BZW2: variants seen among roughly 807,000 people sequenced by gnomAD.
BZW2 encodes basic leucine zipper and W2 domains 2.
BZW2 carries 23 observed loss-of-function variants against 53.2 expected under a neutral mutation model. The observed-to-expected ratio is 0.43, with a 90% CI of 0.31 to 0.61. The LOEUF (loss-of-function observed/expected upper bound fraction) is 0.61. BZW2 is among the 20% of genes least tolerant of loss of function. The pLI is 0.09. For missense variants in BZW2, 409 were observed against 503.1 expected (o/e 0.81, Z 1.79); for synonymous variants, 227 against 186.4 (o/e 1.22, Z -1.77).
At position 16,697,868 on chromosome 7, in the gene BZW2, T is replaced by C; in HGVS notation, c.970-180T>C. On this transcript the variant is annotated intron_variant, in intron 9 of 11. Coordinates refer to ENST00000258761, the MANE Select transcript of BZW2 (RefSeq NM_014038.3). ...CAGTTCCCTCACAGGTCGACTATACTGCTTTGTTCCTACTGTTCTGTTCCC... is the reference window on the plus strand; with the variant it reads ...CAGTTCCCTCACAGGTCGACTATACCGCTTTGTTCCTACTGTTCTGTTCCC... The C allele has an allele frequency of 6.1e-6, 4 of 653,266 alleles. No homozygotes were observed. The South Asian group carries it at 9.5e-5, about 16-fold the overall frequency. The allele number at this position is 653,266 out of a possible 1,614,324, so 40.5% of individuals were successfully genotyped here.
chr7:16,690,180 C>T (rs1283457369), intron 7 of BZW2, among the ~76,000 whole-genome samples: 1 of 151,198 alleles, frequency 6.6e-6, no homozygotes, highest in Non-Finnish European at 1.5e-5. Flanking sequence ...AGAATTAAGA[C>T]TTTGTTTTAT....
At chr7:16,653,455 C>G (rs762789348) in intron 1 of BZW2, among the ~76,000 whole-genome samples, 6 of 152,182 alleles carry the variant, frequency 3.9e-5, no homozygotes, top group Admixed American at 1.3e-4. Context: ...CTAACTTGCT[C>G]TCTGGCATTG....
intron 1 of BZW2, among the ~76,000 whole-genome samples, chr7:16,664,314 G>T (rs1782355469): frequency 6.6e-6 from 1 of 152,212 alleles, no homozygotes; most frequent in African/African-American, 2.4e-5. Flanking sequence ...AAAATGGCAG[G>T]CACTGCTAAA....
At chr7:16,670,855 G>A (rs1347651476) in intron 2 of BZW2, among the ~76,000 whole-genome samples, 1 of 152,122 alleles carries the variant, frequency 6.6e-6, no homozygotes, top group Non-Finnish European at 1.5e-5. Context: ...TTTATCTCTT[G>A]TTCATGATGA....
intron 5 of BZW2, 24 bp downstream of exon 5, chr7:16,682,869 A>C (rs144311925): frequency 6.7e-7 from 1 of 1,495,114 alleles, no homozygotes; most frequent in Non-Finnish European, 9.2e-7. Flanking sequence ...TATAATGCCT[A>C]TCTGTTTTAT....
Position 16,694,877 on chromosome 7 carries a change from A to G in BZW2, c.695A>G (p.Lys232Arg). 1 of 1,563,778 alleles carries G rather than the reference A, an allele frequency of 6.4e-7. No individual in the cohort carries two copies. Among genetic ancestry groups the G allele is most frequent in the South Asian group, 1.2e-5 (1 of 86,028 alleles). Reference protein sequence around the residue: ...VNRQSVDHFAKYFTDAGLKEL... With the variant: ...VNRQSVDHFARYFTDAGLKEL... ...AGACAGAGTGTGGATCATTTTGCTA[A>G]ATACTTCACTGACGCAGGTCTTAAG... Residue 232 changes from lysine to arginine, a missense_variant, in exon 8 of 12, where the codon AAA becomes AGA. Physicochemically the swap from Lys to Arg is conservative, Grantham distance 26 (BLOSUM62 2). Transcript: ENST00000258761.
At chr7:16,659,274 C>T (rs1255069623) in intron 1 of BZW2, among the ~76,000 whole-genome samples, 1 of 151,964 alleles carries the variant, frequency 6.6e-6, no homozygotes, top group Non-Finnish European at 1.5e-5. Context: ...ATTATAAATA[C>T]TACAACTTTC....
chr7:16,667,349 A>G (rs1562481128), intron 2 of BZW2, among the ~76,000 whole-genome samples: 1 of 152,156 alleles, frequency 6.6e-6, no homozygotes, highest in Non-Finnish European at 1.5e-5. Flanking sequence ...AAGAGGAAAC[A>G]TGATGTGAGT....
At chr7:16,685,884 T>C (rs1583736480) in intron 5 of BZW2, 21 bp from the exon 6 acceptor site, 1 of 1,447,016 alleles carries the variant, frequency 6.9e-7, no homozygotes, top group Non-Finnish European at 9.1e-7. Context: ...TTCTTTTTTT[T>C]TTTTTTTTTT....
intron 6 of BZW2, among the ~76,000 whole-genome samples, chr7:16,687,895 A>G (rs150033137): frequency 1.3e-3 from 204 of 152,298 alleles, no homozygotes; most frequent in Admixed American, 2.2e-3. Flanking sequence ...GATACAGATT[A>G]CAGCCTAGTG....
chr7:16,705,964 T>G lies in BZW2; in HGVS notation c.1232-96T>G, dbSNP rs1149510. On this transcript the variant is annotated intron_variant, in intron 11 of 11. Coordinates refer to ENST00000258761, the MANE Select transcript of BZW2 (RefSeq NM_014038.3). ...GGTGCCTAGGGTAAAAGTATGCTGG[T>G]GCAATGGCAGGGTTCTGGGTTGGTG... 1.5e-5 allele frequency: 21 copies of G among 1,362,800 alleles called. No individual in the cohort carries two copies. In the South Asian group the frequency reaches 2.5e-4, roughly 16 times the overall value. 84.4% of individuals were successfully genotyped at this position (1,362,800 alleles called of 1,614,324 possible). A position where few individuals can be genotyped will look rare whatever the true frequency, so the allele number is the denominator to read the frequency against.
intron 3 of BZW2, 57 bp from the exon 4 acceptor site, chr7:16,681,244 C>A: frequency 7.5e-7 from 1 of 1,340,266 alleles, no homozygotes; most frequent in Non-Finnish European, 1.1e-6. Context: ...ATGTGTTCTG[C>A]AAATGCTGTT....
At chr7:16,670,805 T>G (rs1424072093) in intron 2 of BZW2, among the ~76,000 whole-genome samples, 3 of 152,248 alleles carry the variant, frequency 2.0e-5, no homozygotes, top group Non-Finnish European at 4.4e-5. Context: ...TTGCATGTTC[T>G]TGACTGCATA....
At chr7:16,686,271 G>T in intron 6 of BZW2, 1 of 524,996 alleles carries the variant, frequency 1.9e-6, no homozygotes, top group Non-Finnish European at 3.2e-6. Context: ...GACATATTAA[G>T]AAAGACTAAT....
chr7:16,697,999 C>T (rs1783553384), intron 9 of BZW2, 49 bp from the exon 10 acceptor site: 1 of 1,610,478 alleles, frequency 6.2e-7, no homozygotes, highest in Non-Finnish European at 8.5e-7. Context: ...AGTGTCGGCT[C>T]TGTACCTCCC....
intron 10 of BZW2, 152 bp downstream of exon 10, chr7:16,698,338 C>CT (rs1783567923): frequency 1.9e-6 from 2 of 1,049,570 alleles, no homozygotes; most frequent in Admixed American, 4.0e-5. Context: ...GGCAACCATA[C>CT]CATGTAGAGA....
At chr7:16,654,420 A>C (rs1013959488) in intron 1 of BZW2, among the ~76,000 whole-genome samples, 10 of 152,046 alleles carry the variant, frequency 6.6e-5, no homozygotes, top group Non-Finnish European at 1.2e-4. Context: ...ATATAACTCC[A>C]AGTCCAAATG....
At position 16,674,690 on chromosome 7, in the gene BZW2, G is replaced by A. The variant is rs980522801; in HGVS notation, c.235+102G>A. ...AGTCTTTATAAGTTTATGTTTATTA[G>A]AGTTAATAAAAATACAAATGGAAGC... On this transcript the variant is annotated intron_variant, in intron 3 of 11. Transcript: ENST00000258761. The A allele has an allele frequency of 4.6e-5, 48 of 1,046,900 alleles. No individual in the cohort carries two copies. In the African/African-American group the frequency reaches 5.2e-4, roughly 11 times the overall value. The allele number at this position is 1,046,900 out of a possible 1,614,324, so 64.9% of individuals were successfully genotyped here.
At chr7:16,680,315 A>G (rs1782902514) in intron 3 of BZW2, among the ~76,000 whole-genome samples, 1 of 152,216 alleles carries the variant, frequency 6.6e-6, no homozygotes, top group Non-Finnish European at 1.5e-5. Context: ...GAGAATATTT[A>G]CTGAATATTA....
Sources: allele counts gnomAD v4.1 joint callset (sites outside exome capture counted in the v4.1 genomes callset), GRCh38; gene constraint gnomAD v4.1.1; transcripts MANE v1.5; gene names NCBI Gene and HGNC (gene_info 2026-07-23, HGNC 2026-07-21).